TMC2: variants seen among roughly 807,000 people sequenced by gnomAD.
The protein encoded by TMC2 is transmembrane channel-like protein 2.
A neutral mutation model predicts 105.9 loss-of-function variants in TMC2; 102 were observed. That is an observed-to-expected ratio of 0.96 (90% CI 0.82 to 1.14). The LOEUF (loss-of-function observed/expected upper bound fraction) is 1.14. Among genes scored for constraint, TMC2 ranks in the 50% most tolerant of loss-of-function variants. The probability of loss-of-function intolerance (pLI) is 0.00; values close to 1 mark genes in which losing one functional copy is unlikely to be tolerated. For synonymous variants in TMC2, 402 were observed against 422.8 expected (o/e 0.95, Z 0.60); for missense variants, 1,093 against 1,134.3 (o/e 0.96, Z 0.52).
At chr20:2,611,322 T>C (rs922907044) in intron 12 of TMC2, among the ~76,000 whole-genome samples, 1 of 152,168 alleles carries the variant, frequency 6.6e-6, no homozygotes, top group African/African-American at 2.4e-5. Flanking sequence ...AGGAACTTTT[T>C]CCTGATGCTA....
intron 2 of TMC2, among the ~76,000 whole-genome samples, chr20:2,548,912 C>T (rs757490760): frequency 3.9e-5 from 6 of 152,116 alleles, no homozygotes; most frequent in African/African-American, 1.2e-4. Context: ...CTAGAAACAA[C>T]ATACTCAAGT....
In TMC2 at chr20:2,537,280, G is replaced by C; in HGVS notation, c.46G>C (p.Val16Leu). 1 of 1,604,150 alleles carries C rather than the reference G, an allele frequency of 6.2e-7. No homozygotes were observed. Among genetic ancestry groups the C allele is most frequent in the Non-Finnish European group, 8.5e-7 (1 of 1,175,592 alleles). The change falls in exon 2 of 20, where the codon GTG (valine) becomes CTG (leucine). Residue 16 changes from valine to leucine, a missense_variant. Val to Leu is a conservative substitution (Grantham distance 32, BLOSUM62 1). Coordinates refer to ENST00000358864, the MANE Select transcript of TMC2 (RefSeq NM_080751.3). The stretch of plus-strand genomic sequence containing the variant: ...CCTGTCTCTTACAGCACGAGGCGGA[G>C]TGAAAGGGCGGGTGAAGAGCGGCTC... ...KGLKEEARGGVKGRVKSGSPH... is the reference protein window; with the variant it reads ...KGLKEEARGGLKGRVKSGSPH...
intron 16 of TMC2, among the ~76,000 whole-genome samples, chr20:2,619,979 T>A (rs1270947361): frequency 2.0e-5 from 3 of 152,052 alleles, no homozygotes; most frequent in Non-Finnish European, 1.5e-5. Context: ...CTTGGGAGGC[T>A]GAGGTGGGAG....
chr20:2,641,070 G>A (rs2086684667), intron 19 of TMC2, 64 bp from the exon 20 acceptor site: 1 of 1,445,584 alleles, frequency 6.9e-7, no homozygotes, highest in South Asian at 1.2e-5. Flanking sequence ...CGACTCCAGA[G>A]AGCTCCAATC....
rs947397364 is a variant in TMC2 at position 2,612,258 on chromosome 20, G to A, written c.1661G>A (p.Gly554Asp). The A allele has an allele frequency of 1.2e-6, 2 of 1,612,674 alleles. No individual in the cohort carries two copies. Among genetic ancestry groups the A allele is most frequent in the African/African-American group, 1.3e-5 (1 of 74,918 alleles). Residue 554 changes from glycine to aspartate, a missense_variant, in exon 13 of 20, where the codon GGT (glycine) becomes GAT (aspartate). Gly to Asp is a moderately conservative substitution (Grantham distance 94, BLOSUM62 -1). Coordinates refer to ENST00000358864, the MANE Select transcript of TMC2 (RefSeq NM_080751.3). ...CTGTTTAACTATTACAACTCTTCTG[G>A]TTGGAACGAGAGTGTCCCCCGACCA... is the stretch of plus-strand genomic sequence containing the variant. ...WTLFNYYNSSGWNESVPRPPL... is the reference protein window; with the variant it reads ...WTLFNYYNSSDWNESVPRPPL...
intron 7 of TMC2, among the ~76,000 whole-genome samples, chr20:2,587,108 T>A (rs2086236906): frequency 6.6e-6 from 1 of 152,184 alleles, no homozygotes; most frequent in African/African-American, 2.4e-5. Flanking sequence ...TTATATTATT[T>A]GCATGGTTCA....
intron 16 of TMC2, chr20:2,617,628 G>T: frequency 2.7e-6 from 1 of 367,896 alleles, no homozygotes; most frequent in East Asian, 6.3e-5. Context: ...GTACATATTT[G>T]GGGGTACATG....
chr20:2,637,392 A>T, intron 18 of TMC2, 82 bp from the exon 19 acceptor site: 1 of 832,750 alleles, frequency 1.2e-6, no homozygotes, highest in East Asian at 2.6e-5. Context: ...TGTCTCAAAA[A>T]AAAAAAAAAT....
At chr20:2,637,210 G>T (rs955079617) in intron 18 of TMC2, among the ~76,000 whole-genome samples, 1 of 63,744 alleles carries the variant, frequency 1.6e-5, no homozygotes, top group African/African-American at 4.9e-5. Context: ...CTAACATGGT[G>T]AACCCGTCTC....
chr20:2,589,414 C>T (rs1288921238), intron 7 of TMC2, among the ~76,000 whole-genome samples: 1 of 151,296 alleles, frequency 6.6e-6, no homozygotes, highest in East Asian at 2.0e-4. Flanking sequence ...CCTATTTGTC[C>T]TTAAATTTCA....
rs562673338 is a variant in TMC2, at chr20:2,579,316, T to C, written c.727+89T>C. The C allele has an allele frequency of 1.7e-4, 126 of 731,268 alleles. No homozygotes were observed. The African/African-American group carries it at 1.9e-3, about 11-fold the overall frequency. The allele number at this position is 731,268 out of a possible 1,614,324, so 45.3% of individuals were successfully genotyped here. A position where few individuals can be genotyped will look rare whatever the true frequency, so the allele number is the denominator to read the frequency against. ...TTGTTTCCTTGGCCCTCTGAATAGATTATTTCATTGGTTCTGTTGTATTAG... is the reference window on the plus strand; with the variant it reads ...TTGTTTCCTTGGCCCTCTGAATAGACTATTTCATTGGTTCTGTTGTATTAG... On this transcript the variant is annotated intron_variant, in intron 6 of 19. Transcript: ENST00000358864.
chr20:2,625,055 T>C (rs1360206390), intron 17 of TMC2, among the ~76,000 whole-genome samples: 1 of 152,154 alleles, frequency 6.6e-6, no homozygotes, highest in Non-Finnish European at 1.5e-5. Context: ...GCCAGCCTAA[T>C]GCCTAGAGCA....
intron 3 of TMC2, among the ~76,000 whole-genome samples, chr20:2,560,281 T>A (rs899167673): frequency 4.8e-5 from 7 of 144,986 alleles, no homozygotes; most frequent in African/African-American, 7.7e-5. Flanking sequence ...AAAAAAAAAA[T>A]ATCTCTGTGT....
At chr20:2,564,254 G>A (rs1305254934) in intron 4 of TMC2, among the ~76,000 whole-genome samples, 3 of 148,482 alleles carry the variant, frequency 2.0e-5, no homozygotes, top group East Asian at 2.0e-4. Flanking sequence ...AGGTTCAAGC[G>A]ATTCTCCTGC....
At chr20:2,633,042 C>T (rs2086615810) in intron 17 of TMC2, among the ~76,000 whole-genome samples, 1 of 151,092 alleles carries the variant, frequency 6.6e-6, no homozygotes. Context: ...CTTTTCTGAA[C>T]TAATTATGTA....
chr20:2,602,559 G>A (rs1449663665), intron 11 of TMC2, among the ~76,000 whole-genome samples: 1 of 152,164 alleles, frequency 6.6e-6, no homozygotes, highest in Non-Finnish European at 1.5e-5. Context: ...AATTACTAAC[G>A]AGGCGATCCT....
At chr20:2,614,329 G>A (rs569734962) in intron 14 of TMC2, among the ~76,000 whole-genome samples, 2 of 152,348 alleles carry the variant, frequency 1.3e-5, no homozygotes, top group South Asian at 4.1e-4. Flanking sequence ...AATAAGGCCA[G>A]GTATGGTGGC....
At position 2,558,757 on chromosome 20, in the gene TMC2, G is replaced by A. The variant is rs775895106; in HGVS notation, c.384G>A (p.Lys128=). 3.9e-6 allele frequency: 6 copies of A among 1,554,512 alleles called. No homozygotes were observed. In the South Asian group the frequency reaches 7.5e-5, roughly 19 times the overall value. Residue 128 remains lysine (K), a synonymous_variant, in exon 3 of 20, where the codon AAG becomes AAA. Transcript: ENST00000358864. The surrounding 1 kb of genome is among the most constrained non-coding windows in gnomAD (Gnocchi z 4.6). Reference sequence around the variant, plus strand: ...TTCCGAGGAGGGAGGAGAAGTCGAAGCGGCAGAAGAAACCCAGGTGTGTTG... The same window carrying A: ...TTCCGAGGAGGGAGGAGAAGTCGAAACGGCAGAAGAAACCCAGGTGTGTTG... ...KEIPRREEKS[K]RQKKPRSSSL...
intron 7 of TMC2, among the ~76,000 whole-genome samples, chr20:2,584,416 C>A (rs1375192787): frequency 5.5e-5 from 8 of 145,422 alleles, no homozygotes; most frequent in Non-Finnish European, 1.0e-4. Context: ...TGCACTCCAG[C>A]CTGGGCGACA....
Sources: gnomAD v4.1 joint callset for allele counts (sites outside exome capture counted in the v4.1 genomes callset) on GRCh38, gnomAD v4.1.1 for gene constraint, Gnocchi (gnomAD v3.1) non-coding constraint, MANE v1.5 for transcripts, NCBI Gene and HGNC (gene_info 2026-07-23, HGNC 2026-07-21) for gene names.